Variants in ANGPTL1 observed in about 807,000 individuals in gnomAD.
The protein encoded by ANGPTL1 is angiopoietin like 1.
ANGPTL1 carries 36 observed loss-of-function variants against 46.7 expected under a neutral mutation model. The ratio of observed to expected loss-of-function variants is 0.77; its 90% CI spans 0.59 to 1.02. The LOEUF (loss-of-function observed/expected upper bound fraction) is 1.02. Among genes scored for constraint, ANGPTL1 ranks in the 50% least tolerant of loss-of-function variants. The probability of loss-of-function intolerance (pLI) is 0.00; values close to 1 mark genes in which losing one functional copy is unlikely to be tolerated. For synonymous variants in ANGPTL1, 221 were observed against 204.3 expected (o/e 1.08, Z -0.69); for missense variants, 571 against 594.7 (o/e 0.96, Z 0.41).
Position 178,861,959 on chromosome 1 carries a change from GC to G in ANGPTL1, c.823+2994del, listed in dbSNP as rs371689586. On this transcript the variant is annotated intron_variant, in intron 3 of 5. Coordinates refer to ENST00000234816, the MANE Select transcript of ANGPTL1 (RefSeq NM_004673.4). ...GCGATCTCGGCTCACTGCAACCTCCGCCCCCCAGGTTCAAGTGATTCTCCTG... is the reference window on the plus strand; with the variant it reads ...GCGATCTCGGCTCACTGCAACCTCCGCCCCCAGGTTCAAGTGATTCTCCTG... 8.9e-3 allele frequency among the ~76,000 whole-genome samples: 1,357 copies of G among 151,874 alleles called. 23 individuals carry two copies. Among genetic ancestry groups the G allele is most frequent in the African/African-American group, 0.031 (1,298 of 41,394 alleles).
At chr1:178,859,308 A>G (rs568588119) in intron 3 of ANGPTL1, among the ~76,000 whole-genome samples, 30 of 152,272 alleles carry the variant, frequency 2.0e-4, no homozygotes, top group Non-Finnish European at 3.8e-4. Flanking sequence ...AGCATTATAA[A>G]TAATTTGAAA....
At chr1:178,862,074 T>C (rs1426972364) in intron 3 of ANGPTL1, among the ~76,000 whole-genome samples, 1 of 152,092 alleles carries the variant, frequency 6.6e-6, no homozygotes, top group East Asian at 1.9e-4. Flanking sequence ...GGTTTCACCA[T>C]GTTGGCCAGG....
At chr1:178,861,725 GATAA>G (rs1658026381) in intron 3 of ANGPTL1, among the ~76,000 whole-genome samples, 2 of 152,064 alleles carry the variant, frequency 1.3e-5, no homozygotes, top group African/African-American at 4.8e-5. Context: ...ACAAACTACT[GATAA>G]ATTATATAAA....
Position 178,849,638 on chromosome 1 carries a change from G to A in ANGPTL1, c.*1491C>T, listed in dbSNP as rs1391441561. The A allele has an allele frequency of 2.6e-5, 4 of 152,196 alleles. No individual in the cohort carries two copies. The highest frequency in any genetic ancestry group is 9.6e-5 in the African/African-American group (4 of 41,458). The allele number at this position is 152,196 out of a possible 1,614,324, so 9.4% of individuals were successfully genotyped here. A position where few individuals can be genotyped will look rare whatever the true frequency, so the allele number is the denominator to read the frequency against. ...TTATAACAGATTCTTTGGTTCTGAA[G>A]GAAGTGGAGAGGGACTGAAAAACCA... On this transcript the variant is annotated 3_prime_UTR_variant, in exon 6 of 6. Coordinates refer to ENST00000234816, the MANE Select transcript of ANGPTL1 (RefSeq NM_004673.4).
intron 2 of ANGPTL1, among the ~76,000 whole-genome samples, chr1:178,868,350 A>G (rs933925209): frequency 2.0e-5 from 3 of 151,894 alleles, no homozygotes; most frequent in African/African-American, 7.2e-5. Flanking sequence ...CATTTTTCCT[A>G]TATATTTAAT....
At chr1:178,866,273 T>A (rs549732092) in intron 2 of ANGPTL1, among the ~76,000 whole-genome samples, 24 of 152,202 alleles carry the variant, frequency 1.6e-4, no homozygotes, top group Non-Finnish European at 2.5e-4. Flanking sequence ...TAGCCAATGT[T>A]TTAGATTCAT....
chr1:178,861,510 T>G (rs954576018), intron 3 of ANGPTL1, among the ~76,000 whole-genome samples: 23 of 152,226 alleles, frequency 1.5e-4, no homozygotes, highest in African/African-American at 5.5e-4. Context: ...ATGTTTCATT[T>G]TGTATAAACA....
At chr1:178,860,772 T>C (rs1390942291) in intron 3 of ANGPTL1, among the ~76,000 whole-genome samples, 1 of 152,208 alleles carries the variant, frequency 6.6e-6, no homozygotes, top group East Asian at 1.9e-4. Flanking sequence ...GTGGAGACTT[T>C]AGAATGACCA....
chr1:178,853,804 A>G lies in ANGPTL1; in HGVS notation c.824-17T>C. The G allele has an allele frequency of 2.0e-6, 3 of 1,526,040 alleles. No homozygotes were observed. Among genetic ancestry groups the G allele is most frequent in the Non-Finnish European group, 2.6e-6 (3 of 1,139,778 alleles). The allele number at this position is 1,526,040 out of a possible 1,614,324, so 94.5% of individuals were successfully genotyped here. ...TGAATGGTCCTATAATTTAAATATCATTTATTATCAGCAAACTTAATATGA... is the reference window on the plus strand; with the variant it reads ...TGAATGGTCCTATAATTTAAATATCGTTTATTATCAGCAAACTTAATATGA... On this transcript the variant is annotated splice_polypyrimidine_tract_variant and intron_variant, in intron 3 of 5. Coordinates refer to ENST00000234816, the MANE Select transcript of ANGPTL1 (RefSeq NM_004673.4).
intron 4 of ANGPTL1, 91 bp from the exon 5 acceptor site, chr1:178,853,044 A>G: frequency 6.7e-7 from 1 of 1,491,772 alleles, no homozygotes; most frequent in Non-Finnish European, 8.9e-7. Context: ...GATAGCATAA[A>G]GATACTGGCC....
intron 3 of ANGPTL1, among the ~76,000 whole-genome samples, chr1:178,862,330 T>A (rs1034686227): frequency 6.6e-6 from 1 of 152,150 alleles, no homozygotes; most frequent in African/African-American, 2.4e-5. Context: ...AGAAGCTCTA[T>A]AAAAATGTCA....
At chr1:178,859,631 G>A (rs1657827925) in intron 3 of ANGPTL1, among the ~76,000 whole-genome samples, 1 of 150,404 alleles carries the variant, frequency 6.6e-6, no homozygotes, top group East Asian at 2.0e-4. Flanking sequence ...GACACATAAA[G>A]GGAAGTGTAC....
chr1:178,851,431 C>T, intron 5 of ANGPTL1, 115 bp from the exon 6 acceptor site: 3 of 912,098 alleles, frequency 3.3e-6, no homozygotes, highest in South Asian at 5.8e-5. Flanking sequence ...ATCCCAGTTA[C>T]CTTTATCTCA....
rs892088159 is a variant in ANGPTL1, at chr1:178,871,065, T to C, written c.-461A>G. ...AGTAACCAGCTGCAGCTGACCCAGA[T>C]TGTATATACAGTACCCCTGAATAGT... On this transcript the variant is annotated 5_prime_UTR_variant, in exon 1 of 6. Coordinates refer to ENST00000234816, the MANE Select transcript of ANGPTL1 (RefSeq NM_004673.4). The C allele has an allele frequency of 6.6e-6, 1 of 152,160 alleles. No individual in the cohort carries two copies. Among genetic ancestry groups the C allele is most frequent in the Non-Finnish European group, 1.5e-5 (1 of 68,028 alleles). 9.4% of individuals were successfully genotyped at this position (152,160 alleles called of 1,614,324 possible).
rs191422607 is a variant in ANGPTL1 at position 178,858,073 on chromosome 1, G to A, written c.824-4286C>T. On this transcript the variant is annotated intron_variant, in intron 3 of 5. Coordinates refer to ENST00000234816, the MANE Select transcript of ANGPTL1 (RefSeq NM_004673.4). ...GGATATCTGTTAGACTTAGGGAAAT[G>A]TAGTTGAAGTTCTTTTCCAGAACAT... 3.0e-3 allele frequency among the ~76,000 whole-genome samples: 458 copies of A among 152,284 alleles called. 1 individual carries two copies. Among genetic ancestry groups the A allele is most frequent in the African/African-American group, 0.011 (451 of 41,588 alleles).
intron 5 of ANGPTL1, among the ~76,000 whole-genome samples, chr1:178,851,773 C>T (rs1319756167): frequency 6.6e-6 from 1 of 152,118 alleles, no homozygotes; most frequent in Non-Finnish European, 1.5e-5. Flanking sequence ...TCTATCTCTC[C>T]TCTTTTCTCG....
rs1056664021 is a variant in ANGPTL1 at position 178,856,096 on chromosome 1, G to A, written c.824-2309C>T. Among the ~76,000 whole-genome samples, 40 of 148,418 alleles carry A rather than the reference G, an allele frequency of 2.7e-4. 1 individual carries two copies. The highest frequency in any genetic ancestry group is 2.4e-3 in the Admixed American group (35 of 14,860). ...GTTTAGTCAAGTAAAAGTTCTGTAC[G>A]ATAAGGATAATAGTTTTATCCTTAT... On this transcript the variant is annotated intron_variant, in intron 3 of 5. Coordinates refer to ENST00000234816, the MANE Select transcript of ANGPTL1 (RefSeq NM_004673.4).
rs1312576947 is a variant in ANGPTL1, at chr1:178,851,132, G to T, written c.1473C>A (p.Asp491Glu). 5 of 1,611,372 alleles carry T rather than the reference G, an allele frequency of 3.1e-6. No homozygotes were observed. Among genetic ancestry groups the T allele is most frequent in the Non-Finnish European group, 4.2e-6 (5 of 1,179,056 alleles). The change falls in exon 6 of 6, where the codon GAC becomes GAA. Residue 491 changes from aspartate to glutamate, a missense_variant. Coordinates refer to ENST00000234816, the MANE Select transcript of ANGPTL1 (RefSeq NM_004673.4). ...RAVQMMIKPID is the reference protein window; with the variant it reads ...RAVQMMIKPIE Reference sequence around the variant, plus strand: ...TTAAATTGGCGAGTGTCTCTCTTCAGTCAATAGGCTTGATCATCATCTGAA... The same window carrying T: ...TTAAATTGGCGAGTGTCTCTCTTCATTCAATAGGCTTGATCATCATCTGAA...
At position 178,856,210 on chromosome 1, in the gene ANGPTL1, T is replaced by G. The variant is rs1390962426; in HGVS notation, c.824-2423A>C. ...TTTTCCAGAGAGAGAGAGATATATA[T>G]ATATATATATATATATATATATATG... On this transcript the variant is annotated intron_variant, in intron 3 of 5. Transcript: ENST00000234816. Among the ~76,000 whole-genome samples, 62 of 62,774 alleles carry G rather than the reference T, an allele frequency of 9.9e-4. 2 individuals carry two copies. Among genetic ancestry groups the G allele is most frequent in the African/African-American group, 3.4e-3 (61 of 18,126 alleles). 41.2% of individuals were successfully genotyped at this position (62,774 alleles called of 152,430 possible).
Sources: allele counts gnomAD v4.1 joint callset (sites outside exome capture counted in the v4.1 genomes callset), GRCh38; gene constraint gnomAD v4.1.1; transcripts MANE v1.5; gene names NCBI Gene and HGNC (gene_info 2026-07-23, HGNC 2026-07-21).